Variants in ARHGAP39 observed in about 807,000 individuals in gnomAD.
ARHGAP39 encodes the protein rho GTPase-activating protein 39.
ARHGAP39 carries 44 observed loss-of-function variants against 106.9 expected under a neutral mutation model. The observed-to-expected ratio is 0.41, with a 90% CI of 0.32 to 0.53. ARHGAP39 has a LOEUF of 0.53. Ranked by LOEUF, ARHGAP39 falls within the 20% of genes least tolerant of loss-of-function variation. ARHGAP39 has a pLI of 0.21. For synonymous variants in ARHGAP39, 768 were observed against 693.2 expected (o/e 1.11, Z -1.69); for missense variants, 1,496 against 1,577.3 (o/e 0.95, Z 0.87).
chr8:144,626,657 A>C (rs1484868217), intron 1 of ARHGAP39, among the ~76,000 whole-genome samples: 2 of 152,140 alleles, frequency 1.3e-5, no homozygotes, highest in East Asian at 1.9e-4. Flanking sequence ...AGCCCTGCCA[A>C]CACCACCAGC....
intron 3 of ARHGAP39, among the ~76,000 whole-genome samples, chr8:144,570,595 A>G (rs976863089): frequency 1.3e-5 from 2 of 152,208 alleles, no homozygotes; most frequent in Non-Finnish European, 2.9e-5. Flanking sequence ...GCTTCAATAT[A>G]TAAGAAGTGG....
intron 2 of ARHGAP39, among the ~76,000 whole-genome samples, chr8:144,603,219 CTGTG>C (rs1217892636): frequency 7.1e-5 from 9 of 126,718 alleles, no homozygotes; most frequent in East Asian, 4.8e-4. Flanking sequence ...GCTCATGTAC[CTGTG>C]TGTGTGCCTG....
intron 2 of ARHGAP39, among the ~76,000 whole-genome samples, chr8:144,597,240 G>A (rs1819655774): frequency 6.6e-6 from 1 of 152,178 alleles, no homozygotes; most frequent in Non-Finnish European, 1.5e-5. Flanking sequence ...GAGGACGTGG[G>A]GAGGCAGCTC....
chr8:144,615,873 GC>G (rs1481155002), intron 1 of ARHGAP39, among the ~76,000 whole-genome samples: 1 of 152,240 alleles, frequency 6.6e-6, no homozygotes, highest in Non-Finnish European at 1.5e-5. Flanking sequence ...GGCATTTGCC[GC>G]CCCTTCAGCA....
intron 1 of ARHGAP39, among the ~76,000 whole-genome samples, chr8:144,656,194 GA>G (rs58292458): frequency 0.13 from 13,004 of 103,462 alleles, 1,510 homozygotes; most frequent in African/African-American, 0.32. Context: ...AGCAAATAAG[GA>G]AAAAAAAAAA....
chr8:144,570,259 T>TA (rs1409137305), intron 3 of ARHGAP39, among the ~76,000 whole-genome samples: 1 of 152,090 alleles, frequency 6.6e-6, no homozygotes, highest in Non-Finnish European at 1.5e-5. Flanking sequence ...AACAAAAGCT[T>TA]ATAAGCCGAG....
chr8:144,621,178 T>G (rs1820798398), intron 1 of ARHGAP39, among the ~76,000 whole-genome samples: 1 of 152,282 alleles, frequency 6.6e-6, no homozygotes, highest in Admixed American at 6.5e-5. Context: ...GCCTTCAGCC[T>G]GGACTCTGCA....
At chr8:144,696,417 G>C in the ARHGAP39 span, among the ~76,000 whole-genome samples, 1 of 152,042 alleles carries the variant, frequency 6.6e-6, no homozygotes. Flanking sequence ...GGGATTACAG[G>C]GTGAGCCACC....
intron 6 of ARHGAP39, among the ~76,000 whole-genome samples, chr8:144,540,289 G>T (rs1047561274): frequency 1.3e-5 from 2 of 152,172 alleles, no homozygotes; most frequent in Non-Finnish European, 2.9e-5. Flanking sequence ...CTAGCTACTC[G>T]AGATGTTGAG....
intron 1 of ARHGAP39, among the ~76,000 whole-genome samples, chr8:144,658,380 T>C (rs944043597): frequency 2.6e-5 from 4 of 152,120 alleles, no homozygotes; most frequent in African/African-American, 9.7e-5. Context: ...GTTCAAGCAA[T>C]TCTCCTGCCT....
chr8:144,572,388 A>G (rs926953179), intron 3 of ARHGAP39, among the ~76,000 whole-genome samples: 1 of 152,230 alleles, frequency 6.6e-6, no homozygotes, highest in Non-Finnish European at 1.5e-5. Context: ...AGGATTCCCT[A>G]TTTAATAAAT....
At chr8:144,688,595 T>C (rs569073138), upstream of ARHGAP39, among the ~76,000 whole-genome samples, 1 of 152,252 alleles carries the variant, frequency 6.6e-6, no homozygotes, top group Admixed American at 6.5e-5. Flanking sequence ...AAAGAAATTT[T>C]AAATTAGCCA....
chr8:144,537,206 T>TTA (rs1388419487), intron 7 of ARHGAP39, among the ~76,000 whole-genome samples: 1 of 145,660 alleles, frequency 6.9e-6, no homozygotes, highest in Non-Finnish European at 1.5e-5. Context: ...GTGGGGAGGG[T>TTA]GGGGAAGCCC....
intron 3 of ARHGAP39, among the ~76,000 whole-genome samples, chr8:144,568,733 T>C (rs1038346941): frequency 2.0e-5 from 3 of 152,142 alleles, no homozygotes; most frequent in South Asian, 4.1e-4. Flanking sequence ...ATAATATCAT[T>C]TGAAAGTCAA....
intron 3 of ARHGAP39, among the ~76,000 whole-genome samples, chr8:144,580,573 C>T (rs1563684933): frequency 2.0e-5 from 3 of 152,050 alleles, no homozygotes; most frequent in Non-Finnish European, 4.4e-5. Flanking sequence ...GGGTCCCCGC[C>T]CACCGCCCTC....
chr8:144,628,566 G>A (rs1353575853), intron 1 of ARHGAP39, among the ~76,000 whole-genome samples: 1 of 152,210 alleles, frequency 6.6e-6, no homozygotes, highest in African/African-American at 2.4e-5. Context: ...CACAGTGGGA[G>A]ATTTAAAACC....
At chr8:144,698,895 G>T in the ARHGAP39 span, 2 of 455,856 alleles carry the variant, frequency 4.4e-6, no homozygotes, top group South Asian at 3.1e-5. Flanking sequence ...CCTTGGGGGG[G>T]TTGGGGGGTC....
In ARHGAP39 at chr8:144,604,431, G is replaced by A. The variant is rs1453729175; in HGVS notation, c.80+1104C>T. ...CTCACGCAGTCGCTCAGGCCAGAGT[G>A]CAGTGGTGTGATCTCAGCTCACTGC... On this transcript the variant is annotated intron_variant, in intron 2 of 11. Transcript: ENST00000377307. This position sits in a 1 kb window ranked among gnomAD's most constrained non-coding sequence, Gnocchi z 4.1. Among the ~76,000 whole-genome samples, 1 of 152,146 alleles carries A rather than the reference G, an allele frequency of 6.6e-6. No homozygotes were observed. The highest frequency in any genetic ancestry group is 1.5e-5 in the Non-Finnish European group (1 of 68,020).
At chr8:144,540,906 C>A (rs895063445) in intron 6 of ARHGAP39, among the ~76,000 whole-genome samples, 3 of 152,242 alleles carry the variant, frequency 2.0e-5, no homozygotes, top group Admixed American at 2.0e-4. Flanking sequence ...GGCTAGAGTG[C>A]AATGGCAAGA....
Sources: gnomAD v4.1 joint callset for allele counts (sites outside exome capture counted in the v4.1 genomes callset) on GRCh38, gnomAD v4.1.1 for gene constraint, Gnocchi (gnomAD v3.1) non-coding constraint, MANE v1.5 for transcripts, NCBI Gene and HGNC (gene_info 2026-07-23, HGNC 2026-07-21) for gene names.